MARF1: variants seen among roughly 807,000 people sequenced by gnomAD.
MARF1 encodes meiosis regulator and mRNA stability factor 1, also known as limkain-b1.
A neutral mutation model predicts 168.2 loss-of-function variants in MARF1; 24 were observed. That is an observed-to-expected ratio of 0.14 (90% CI 0.10 to 0.20). The LOEUF (loss-of-function observed/expected upper bound fraction) is 0.20, where lower values mean the gene tolerates loss of function less well. Ranked by LOEUF, MARF1 falls within the 10% of genes least tolerant of loss-of-function variation. The pLI, the probability that MARF1 is intolerant of heterozygous loss-of-function variation, is 1.00. For synonymous variants in MARF1, 868 were observed against 822.4 expected, an observed-to-expected ratio of 1.06 and a Z score of -0.95; for missense variants, 1,744 against 2,143.6, an observed-to-expected ratio of 0.81 and a Z score of 3.68.
Position 15,611,743 on chromosome 16 carries a change from C to T in MARF1, c.3475-9G>A. 6.2e-7 allele frequency: 1 copy of T among 1,613,558 alleles called. No individual in the cohort carries two copies. The highest frequency in any genetic ancestry group is 1.1e-5 in the South Asian group (1 of 90,974). ...GAGCCCATTCCAAGAATCTGCAAAG[C>T]AAATAGTTTATTTATACACATAAGA... On this transcript the variant is annotated splice_polypyrimidine_tract_variant and intron_variant, in intron 17 of 26. Transcript: ENST00000396368.
At chr16:15,615,234 G>A (rs1164974405) in intron 16 of MARF1, among the ~76,000 whole-genome samples, 3 of 152,164 alleles carry the variant, frequency 2.0e-5, no homozygotes, top group Admixed American at 6.5e-5. Context: ...GGTGGCTCAT[G>A]CCTGTAATCC....
intron 22 of MARF1, 57 bp from the exon 23 acceptor site, chr16:15,602,260 A>C: frequency 7.0e-7 from 1 of 1,433,158 alleles, no homozygotes; most frequent in Non-Finnish European, 9.8e-7. Context: ...TGCCCCGTGG[A>C]AAGTGAAGGC....
intron 22 of MARF1, chr16:15,602,473 C>T (rs990338412): frequency 1.7e-6 from 1 of 579,430 alleles, no homozygotes; most frequent in African/African-American, 1.9e-5. Context: ...AAGATGAAGA[C>T]AAAGAACAAG....
intron 1 of MARF1, among the ~76,000 whole-genome samples, chr16:15,640,023 A>AT (rs1427653584): frequency 5.9e-5 from 9 of 152,076 alleles, no homozygotes; most frequent in African/African-American, 1.2e-4. Context: ...GCTGGAATCA[A>AT]TTTTTTCTAC....
At chr16:15,638,585 C>CAA (rs71134443) in intron 2 of MARF1, among the ~76,000 whole-genome samples, 28 of 128,928 alleles carry the variant, frequency 2.2e-4, no homozygotes, top group Middle Eastern at 8.1e-3. Flanking sequence ...GACTGCACCT[C>CAA]AAAAAAAAAA....
At chr16:15,633,930 G>T in intron 4 of MARF1, 87 bp from the exon 5 acceptor site, 1 of 1,148,856 alleles carries the variant, frequency 8.7e-7, no homozygotes, top group Non-Finnish European at 1.2e-6. Flanking sequence ...ATCATTCTCA[G>T]TGGTAGAAAA....
intron 12 of MARF1, 44 bp downstream of exon 12, chr16:15,621,689 G>T (rs1161741451): frequency 6.4e-7 from 1 of 1,568,880 alleles, no homozygotes; most frequent in Non-Finnish European, 8.7e-7. Flanking sequence ...TTGTTTCTGG[G>T]TCAAATGTTA....
chr16:15,625,188 G>C lies in MARF1; in HGVS notation c.1954-15C>G. 4 of 1,609,506 alleles carry C rather than the reference G, an allele frequency of 2.5e-6. No individual in the cohort carries two copies. The highest frequency in any genetic ancestry group is 2.2e-5 in the East Asian group (1 of 44,764). On this transcript the variant is annotated splice_polypyrimidine_tract_variant and intron_variant, in intron 8 of 26. Transcript: ENST00000396368. ...CGGCACAGCTCCTTCAAAGACACAA[G>C]CACAGTGGGGTTTAAATTTTAAGTA...
intron 21 of MARF1, among the ~76,000 whole-genome samples, chr16:15,604,774 G>C (rs1161804537): frequency 3.9e-5 from 6 of 152,174 alleles, no homozygotes; most frequent in Admixed American, 3.9e-4. Flanking sequence ...TGTGCTCGAA[G>C]GGGGGTAGGG....
chr16:15,618,557 GC>G (rs1158987184), intron 13 of MARF1, among the ~76,000 whole-genome samples: 1 of 152,048 alleles, frequency 6.6e-6, no homozygotes, highest in African/African-American at 2.4e-5. Flanking sequence ...TTTCCTCATG[GC>G]CTTGGATCCC....
chr16:15,631,427 T>A lies in MARF1; in HGVS notation c.1305A>T (p.Arg435Ser). 6.2e-7 allele frequency: 1 copy of A among 1,613,348 alleles called. No homozygotes were observed. The highest frequency in any genetic ancestry group is 8.5e-7 in the Non-Finnish European group (1 of 1,179,460). The change falls in exon 6 of 27, where the codon AGA (arginine) becomes AGT (serine). Residue 435 changes from arginine (R) to serine (S), a missense_variant. By Grantham distance (110) the Arg-to-Ser change is moderately radical. This residue lies in a region of MARF1 where 217 missense variants were observed against 372.4 expected (regional missense o/e 0.58). Transcript: ENST00000396368. ...CTGGAGCAGTGTGTGTATTTGCAAA[T>A]CTGCGGAGACTCTGCCGCAGTTTAT... Reference protein sequence around the residue: ...ADDKLRQSLRRFANTHTAPAT... With the variant: ...ADDKLRQSLRSFANTHTAPAT...
In MARF1 at chr16:15,604,375, T is replaced by G. The variant is rs758628280; in HGVS notation, c.4206A>C (p.Arg1402Ser). The G allele has an allele frequency of 6.2e-7, 1 of 1,613,786 alleles. No homozygotes were observed. Among genetic ancestry groups the G allele is most frequent in the Admixed American group, 1.7e-5 (1 of 60,020 alleles). The change falls in exon 22 of 27, where the codon AGA becomes AGC. Residue 1402 changes from arginine to serine, a missense_variant. By Grantham distance (110) the Arg-to-Ser change is moderately radical (BLOSUM62 -1). Coordinates refer to ENST00000396368, the MANE Select transcript of MARF1 (RefSeq NM_014647.4). ...VVKVADIESG[R>S]QIQLINRKSL... ...ACTTTCGGTTGATCAGCTGAATCTG[T>G]CTGCCAGATTCTATATCGGCAACCT...
In MARF1 at chr16:15,633,513, T is replaced by G. The variant is rs868750260; in HGVS notation, c.1233+104A>C. ...GGGAGCCATGAATGCGTCACTGCACTCCAGCCTGGGTGACACTTAGACTCT... is the reference window on the plus strand; with the variant it reads ...GGGAGCCATGAATGCGTCACTGCACGCCAGCCTGGGTGACACTTAGACTCT... On this transcript the variant is annotated intron_variant, in intron 5 of 26. Coordinates refer to ENST00000396368, the MANE Select transcript of MARF1 (RefSeq NM_014647.4). The G allele has an allele frequency of 3.5e-4, 306 of 876,042 alleles. 3 individuals carry two copies. The Middle Eastern group carries it at 9.2e-3, about 26-fold the overall frequency. The allele number at this position is 876,042 out of a possible 1,614,324, so 54.3% of individuals were successfully genotyped here.
chr16:15,622,032 T>C, intron 11 of MARF1, 121 bp from the exon 12 acceptor site: 1 of 831,670 alleles, frequency 1.2e-6, no homozygotes, highest in South Asian at 1.8e-5. Context: ...AAGGAGTATG[T>C]CTGAACTCTG....
Position 15,631,388 on chromosome 16 carries a change from A to G in MARF1, c.1344T>C (p.Leu448=), listed in dbSNP as rs1187402269. Residue 448 remains leucine (L), a synonymous_variant, in exon 6 of 27, where the codon CTT becomes CTC. Coordinates refer to ENST00000396368, the MANE Select transcript of MARF1 (RefSeq NM_014647.4). The part of the protein sequence containing the change: ...NTHTAPATVV[L]VSTDVNFALE... ...AGATGTTTCTGTACTTACTTGACAC[A>G]AGAACCACTGTGGCTGGAGCAGTGT... 6.2e-7 allele frequency: 1 copy of G among 1,607,322 alleles called. No individual in the cohort carries two copies. The highest frequency in any genetic ancestry group is 1.1e-5 in the South Asian group (1 of 90,898).
intron 22 of MARF1, among the ~76,000 whole-genome samples, chr16:15,603,546 T>C (rs1395735498): frequency 6.6e-6 from 1 of 152,200 alleles, no homozygotes; most frequent in East Asian, 1.9e-4. Context: ...TTATCTCACT[T>C]GGTCCTGATG....
chr16:15,639,992 G>A (rs1447227621), intron 1 of MARF1, among the ~76,000 whole-genome samples: 1 of 152,154 alleles, frequency 6.6e-6, no homozygotes, highest in Non-Finnish European at 1.5e-5. Context: ...ATTCCAGAGT[G>A]AGACTTCACC....
At chr16:15,601,511 C>CAT (rs2032424967) in intron 23 of MARF1, 1 of 230,606 alleles carries the variant, frequency 4.3e-6, no homozygotes, top group South Asian at 6.5e-5. Flanking sequence ...CTTAGCCTCT[C>CAT]GACACTCCAT....
intron 21 of MARF1, among the ~76,000 whole-genome samples, chr16:15,607,422 G>A (rs989198067): frequency 3.4e-4 from 51 of 152,142 alleles, no homozygotes; most frequent in African/African-American, 1.2e-3. Context: ...AGTGGCGGGC[G>A]CCTGTAATCC....
Sources: allele counts gnomAD v4.1 joint callset (sites outside exome capture counted in the v4.1 genomes callset), GRCh38; gene constraint gnomAD v4.1.1; regional missense constraint gnomAD v4.1.1; transcripts MANE v1.5; gene names NCBI Gene and HGNC (gene_info 2026-07-23, HGNC 2026-07-21).